The following CNTN5 variants were observed in gnomAD, a reference collection of about 807,000 sequenced individuals.
The protein encoded by CNTN5 is contactin 5.
Under a neutral mutation model 129.1 loss-of-function variants are expected in CNTN5, and 77 were observed. The observed-to-expected ratio is 0.60, with a 90% CI of 0.50 to 0.72. CNTN5 has a LOEUF of 0.72. CNTN5 is among the 30% of genes least tolerant of loss of function. The pLI, the probability that CNTN5 is intolerant of heterozygous loss-of-function variation, is 0.00. For missense variants in CNTN5, 1,478 were observed against 1,328.8 expected (o/e 1.11, Z -1.75); for synonymous variants, 509 against 465.6 (o/e 1.09, Z -1.20).
chr11:99,489,689 T>C (rs942218072), intron 2 of CNTN5, among the ~76,000 whole-genome samples: 17 of 152,208 alleles, frequency 1.1e-4, no homozygotes, highest in African/African-American at 4.1e-4. Flanking sequence ...TGAAGCAAGA[T>C]ATCCATTCTG....
intron 24 of CNTN5, among the ~76,000 whole-genome samples, chr11:100,355,582 A>T (rs543586441): frequency 6.7e-6 from 1 of 149,378 alleles, no homozygotes; most frequent in Middle Eastern, 3.4e-3. Flanking sequence ...TGTTTACACC[A>T]GCATCACCAC....
chr11:99,411,553 A>T (rs528022631), intron 2 of CNTN5, among the ~76,000 whole-genome samples: 130 of 147,610 alleles, frequency 8.8e-4, no homozygotes, highest in African/African-American at 3.0e-3. Flanking sequence ...AAATTTTTTT[A>T]AAAAAATTAG....
chr11:99,345,737 T>C (rs1423416542), intron 2 of CNTN5, among the ~76,000 whole-genome samples: 6 of 152,194 alleles, frequency 3.9e-5, no homozygotes, highest in Middle Eastern at 3.2e-3. Flanking sequence ...AGATTATATA[T>C]ATTTGTTGCT....
At chr11:99,793,198 T>G in intron 3 of CNTN5, among the ~76,000 whole-genome samples, 1 of 152,086 alleles carries the variant, frequency 6.6e-6, no homozygotes, top group East Asian at 1.9e-4. Context: ...TAGCTGGGGC[T>G]ACAGGCACCT....
chr11:100,106,851 T>G (rs1268569159), intron 13 of CNTN5, among the ~76,000 whole-genome samples: 1 of 152,136 alleles, frequency 6.6e-6, no homozygotes, highest in African/African-American at 2.4e-5. Context: ...AAATGTTGTT[T>G]CCAATGAGAC....
intron 2 of CNTN5, among the ~76,000 whole-genome samples, chr11:99,459,093 C>A (rs1464436801): frequency 1.3e-5 from 2 of 151,898 alleles, no homozygotes; most frequent in South Asian, 2.1e-4. Context: ...CTTTTTAAGA[C>A]CTTCTTGGGG....
intron 3 of CNTN5, among the ~76,000 whole-genome samples, chr11:99,710,871 C>T (rs1182145528): frequency 6.6e-6 from 1 of 151,810 alleles, no homozygotes; most frequent in Non-Finnish European, 1.5e-5. Flanking sequence ...AACTTAGTTA[C>T]TAAAACATAT....
chr11:100,017,720 A>T (rs1940905783), intron 9 of CNTN5, among the ~76,000 whole-genome samples: 1 of 152,046 alleles, frequency 6.6e-6, no homozygotes, highest in African/African-American at 2.4e-5. Context: ...TTATAAAATC[A>T]TCAAGAGTTA....
chr11:99,885,018 C>T (rs1207369605), intron 6 of CNTN5, among the ~76,000 whole-genome samples: 2 of 152,114 alleles, frequency 1.3e-5, no homozygotes, highest in African/African-American at 4.8e-5. Context: ...CGTGGTGGCT[C>T]ACACCTGTAA....
At chr11:99,548,204 GGT>G (rs940052870) in intron 2 of CNTN5, among the ~76,000 whole-genome samples, 4 of 152,056 alleles carry the variant, frequency 2.6e-5, no homozygotes, top group Non-Finnish European at 5.9e-5. Context: ...AATAGAAAGA[GGT>G]ATTTCTCTCC....
intron 2 of CNTN5, among the ~76,000 whole-genome samples, chr11:99,549,820 T>C (rs2135519270): frequency 6.6e-6 from 1 of 152,312 alleles, no homozygotes; most frequent in African/African-American, 2.4e-5. Flanking sequence ...ACAAACTATT[T>C]CTGGCATCAG....
intron 1 of CNTN5, among the ~76,000 whole-genome samples, chr11:99,060,275 G>A (rs367797251): frequency 3.3e-5 from 5 of 151,826 alleles, no homozygotes; most frequent in African/African-American, 7.3e-5. Flanking sequence ...TCTCAATACC[G>A]GGCTTTTGAA....
intron 13 of CNTN5, among the ~76,000 whole-genome samples, chr11:100,114,082 G>A (rs1456755969): frequency 6.6e-6 from 1 of 152,030 alleles, no homozygotes; most frequent in Non-Finnish European, 1.5e-5. Flanking sequence ...TTGGAGCATA[G>A]GTAAAAGTAT....
intron 13 of CNTN5, among the ~76,000 whole-genome samples, chr11:100,126,241 G>A (rs73563191): frequency 0.067 from 10,187 of 152,074 alleles, 828 homozygotes; most frequent in African/African-American, 0.19. Flanking sequence ...TATGTTCCAC[G>A]TGCAGATGAA....
At chr11:100,039,965 A>T (rs1036559147) in intron 9 of CNTN5, among the ~76,000 whole-genome samples, 2 of 152,156 alleles carry the variant, frequency 1.3e-5, no homozygotes, top group Non-Finnish European at 2.9e-5. Flanking sequence ...GTCTTCTCTC[A>T]ACTCGTCAAA....
At chr11:99,881,801 C>T (rs946254618) in intron 6 of CNTN5, among the ~76,000 whole-genome samples, 1 of 152,172 alleles carries the variant, frequency 6.6e-6, no homozygotes, top group African/African-American at 2.4e-5. Flanking sequence ...AGCCGTGTAT[C>T]GCAGAGCTTG....
intron 13 of CNTN5, among the ~76,000 whole-genome samples, chr11:100,102,161 A>G (rs1016687500): frequency 6.6e-6 from 1 of 152,036 alleles, no homozygotes; most frequent in Non-Finnish European, 1.5e-5. Flanking sequence ...ACTGTTTTCT[A>G]TAGTGGTTGT....
intron 3 of CNTN5, among the ~76,000 whole-genome samples, chr11:99,811,357 A>G (rs1188729621): frequency 6.6e-6 from 1 of 151,564 alleles, no homozygotes; most frequent in Non-Finnish European, 1.5e-5. Context: ...TTTAAAATAT[A>G]TTTTTATCAT....
chr11:99,297,378 C>T (rs1410126838), intron 1 of CNTN5, among the ~76,000 whole-genome samples: 2 of 152,122 alleles, frequency 1.3e-5, no homozygotes, highest in African/African-American at 4.8e-5. Flanking sequence ...AAAGGCTCCC[C>T]ATGGTCAGCG....
Sources: allele counts gnomAD v4.1 joint callset (sites outside exome capture counted in the v4.1 genomes callset), GRCh38; gene constraint gnomAD v4.1.1; transcripts MANE v1.5; gene names NCBI Gene and HGNC (gene_info 2026-07-23, HGNC 2026-07-21).